The following CCDC42 variants were observed in gnomAD, a reference collection of about 807,000 sequenced individuals.
The protein encoded by CCDC42 is coiled-coil domain-containing protein 42.
A neutral mutation model predicts 40.8 loss-of-function variants in CCDC42; 38 were observed. The observed-to-expected ratio is 0.93, with a 90% CI of 0.72 to 1.22. The LOEUF is 1.22. Ranked by LOEUF, CCDC42 falls within the 50% of genes most tolerant of loss-of-function variation. The pLI is 0.00. For missense variants in CCDC42, 379 were observed against 416.5 expected (o/e 0.91, Z 0.78); for synonymous variants, 135 against 157.5 (o/e 0.86, Z 1.07).
chr17:8,741,715 C>G lies in CCDC42; in HGVS notation c.295-44G>C, dbSNP rs573888951. 1.1e-5 allele frequency: 18 copies of G among 1,583,460 alleles called. No homozygotes were observed. In the African/African-American group the frequency reaches 2.0e-4, roughly 18 times the overall value. ...GCGCTGGTCAGGAAGCCTCGCCCAGCCCTCCCGGGGCCCAGGCCTTCCTGG... is the reference window on the plus strand; with the variant it reads ...GCGCTGGTCAGGAAGCCTCGCCCAGGCCTCCCGGGGCCCAGGCCTTCCTGG... On this transcript the variant is annotated intron_variant, in intron 3 of 6. Transcript: ENST00000293845.
At chr17:8,743,269 T>C (rs1567536496) in intron 3 of CCDC42, among the ~76,000 whole-genome samples, 2 of 152,136 alleles carry the variant, frequency 1.3e-5, no homozygotes. Flanking sequence ...GTGGAGGGAC[T>C]AAAACTCTGT....
intron 4 of CCDC42, among the ~76,000 whole-genome samples, chr17:8,739,119 G>A (rs1167590177): frequency 6.6e-6 from 1 of 152,158 alleles, no homozygotes; most frequent in Non-Finnish European, 1.5e-5. Flanking sequence ...AAAAGAGAAA[G>A]AGAGGGGGGC....
chr17:8,744,080 T>C lies in CCDC42; in HGVS notation c.188A>G (p.Lys63Arg). ...TGCACTCCATCCCTGAGTCCCCACC[T>C]TCTTCTTCTGCACCATAGTTTGATG... ...IMHQTMVQKKKMFQRRMETLN... is the reference protein window; with the variant it reads ...IMHQTMVQKKRMFQRRMETLN... Residue 63 changes from lysine (K) to arginine (R), a missense_variant and splice_region_variant, in exon 2 of 7, where the codon AAG becomes AGG. Lys to Arg is a conservative substitution (Grantham distance 26, BLOSUM62 2). Coordinates refer to ENST00000293845, the MANE Select transcript of CCDC42 (RefSeq NM_144681.3). The C allele has an allele frequency of 1.2e-6, 2 of 1,608,426 alleles. No individual in the cohort carries two copies. Among genetic ancestry groups the C allele is most frequent in the Non-Finnish European group, 1.7e-6 (2 of 1,175,832 alleles).
intron 6 of CCDC42, 30 bp from the exon 7 acceptor site, chr17:8,730,237 C>G (rs376459870): frequency 1.3e-6 from 2 of 1,585,800 alleles, no homozygotes. Flanking sequence ...AGCGTTAACT[C>G]CGCCCCCCAG....
intron 4 of CCDC42, among the ~76,000 whole-genome samples, chr17:8,737,219 AAC>A: frequency 6.6e-6 from 1 of 152,236 alleles, no homozygotes; most frequent in East Asian, 1.9e-4. Flanking sequence ...CACACAGTGC[AAC>A]AGTGTACCAC....
At chr17:8,734,928 C>T (rs897280591) in intron 6 of CCDC42, among the ~76,000 whole-genome samples, 168 bp downstream of exon 6, 23 of 152,178 alleles carry the variant, frequency 1.5e-4, no homozygotes, top group African/African-American at 4.6e-4. Context: ...AGAGACTCTG[C>T]GGGTGGGGCC....
At position 8,735,015 on chromosome 17, in the gene CCDC42, G is replaced by T. The variant is rs1457870360; in HGVS notation, c.873+81C>A. 8 of 1,477,984 alleles carry T rather than the reference G, an allele frequency of 5.4e-6. No individual in the cohort carries two copies. The East Asian group carries it at 6.8e-5, about 13-fold the overall frequency. 91.6% of individuals were successfully genotyped at this position (1,477,984 alleles called of 1,614,324 possible). On this transcript the variant is annotated intron_variant, in intron 6 of 6. Transcript: ENST00000293845. The surrounding 1 kb of genome is among the most constrained non-coding windows in gnomAD (Gnocchi z 4.7). ...AGTCCCTGCTCTGCTTCTCTGTCAGGTTCATTCTTCCACCCAACCAACTGG... is the reference window on the plus strand; with the variant it reads ...AGTCCCTGCTCTGCTTCTCTGTCAGTTTCATTCTTCCACCCAACCAACTGG...
In CCDC42 at chr17:8,743,811, C is replaced by G. The variant is rs2086660223; in HGVS notation, c.190-81G>C. Reference sequence around the variant, plus strand: ...CAAGGAAGACCCCAGCATCCCTGCCCCAGAGGCTCCATCCCCAGGCCCAAG... The same window carrying G: ...CAAGGAAGACCCCAGCATCCCTGCCGCAGAGGCTCCATCCCCAGGCCCAAG... On this transcript the variant is annotated intron_variant, in intron 2 of 6. Coordinates refer to ENST00000293845, the MANE Select transcript of CCDC42 (RefSeq NM_144681.3). 6 of 834,394 alleles carry G rather than the reference C, an allele frequency of 7.2e-6. No homozygotes were observed. In the African/African-American group the frequency reaches 1.0e-4, roughly 14 times the overall value. The allele number at this position is 834,394 out of a possible 1,614,324, so 51.7% of individuals were successfully genotyped here.
intron 4 of CCDC42, among the ~76,000 whole-genome samples, 186 bp downstream of exon 4, chr17:8,741,288 G>A (rs1273218359): frequency 6.6e-6 from 1 of 152,184 alleles, no homozygotes; most frequent in East Asian, 1.9e-4. Context: ...CTGCTCCCCA[G>A]TGCCCCCCAG....
At chr17:8,741,806 G>A (rs1230560007) in intron 3 of CCDC42, 135 bp from the exon 4 acceptor site, 3 of 794,920 alleles carry the variant, frequency 3.8e-6, no homozygotes, top group Admixed American at 2.6e-5. Flanking sequence ...GAGATTGCTG[G>A]GCCACCCATG....
In CCDC42 at chr17:8,744,809, G is replaced by T. The variant is rs1320558289; in HGVS notation, c.-200C>A. The T allele has an allele frequency of 1.0e-5, 6 of 596,260 alleles. No individual in the cohort carries two copies. The African/African-American group carries it at 1.1e-4, about 11-fold the overall frequency. The allele number at this position is 596,260 out of a possible 1,614,324, so 36.9% of individuals were successfully genotyped here. On this transcript the variant is annotated 5_prime_UTR_variant, in exon 1 of 7. It adds an upstream start codon to the 5' untranslated region. Coordinates refer to ENST00000293845, the MANE Select transcript of CCDC42 (RefSeq NM_144681.3). ...CGGCTCAGGACGATGTGCTGGGGCA[G>T]TTATGGGAGATGTGGTTACCTAGCA...
intron 6 of CCDC42, among the ~76,000 whole-genome samples, chr17:8,734,639 G>A (rs934234106): frequency 5.3e-5 from 8 of 152,072 alleles, no homozygotes; most frequent in Non-Finnish European, 1.0e-4. Flanking sequence ...TTACAGGCAT[G>A]AGCCACCGTG....
intron 1 of CCDC42, 78 bp downstream of exon 1, chr17:8,744,449 G>T: frequency 8.3e-7 from 1 of 1,200,138 alleles, no homozygotes; most frequent in Non-Finnish European, 1.2e-6. Context: ...GGGACAGACG[G>T]TTGGAAGATG....
chr17:8,735,625 C>T lies in CCDC42; in HGVS notation c.493-14G>A. The T allele has an allele frequency of 1.2e-6, 2 of 1,610,138 alleles. No individual in the cohort carries two copies. Among genetic ancestry groups the T allele is most frequent in the South Asian group, 2.2e-5 (2 of 90,786 alleles). On this transcript the variant is annotated splice_polypyrimidine_tract_variant and intron_variant, in intron 4 of 6. Coordinates refer to ENST00000293845, the MANE Select transcript of CCDC42 (RefSeq NM_144681.3). This position sits in a 1 kb window ranked among gnomAD's most constrained non-coding sequence, Gnocchi z 4.7. The stretch of plus-strand genomic sequence containing the variant: ...GATCTCCTCGAACTGTGGTCAGGGG[C>T]TCAGGTCAATGCACAGCCAGCCCCT...
At chr17:8,737,675 T>C (rs2086620025) in intron 4 of CCDC42, among the ~76,000 whole-genome samples, 1 of 152,174 alleles carries the variant, frequency 6.6e-6, no homozygotes, top group Non-Finnish European at 1.5e-5. Flanking sequence ...AAGATTAATT[T>C]TACCTGTTTT....
chr17:8,741,717 C>T (rs1226563426), intron 3 of CCDC42, 46 bp from the exon 4 acceptor site: 11 of 1,578,830 alleles, frequency 7.0e-6, no homozygotes, highest in African/African-American at 2.7e-5. Flanking sequence ...TCGCCCAGCC[C>T]TCCCGGGGCC....
rs781006395 is a variant in CCDC42, at chr17:8,730,181, C to G, written c.900G>C (p.Ser300=). 1.4e-5 allele frequency: 23 copies of G among 1,613,940 alleles called. No homozygotes were observed. The highest frequency in any genetic ancestry group is 1.7e-4 in the Middle Eastern group (1 of 6,056). The part of the protein sequence containing the change: ...DMIQQFIQDR[S]DIWAEVKKKE... ...TCTTTTTCACCTCTGCCCAGATGTC[C>G]GACCGGTCTTGGATAAATTGCTGGA... Residue 300 remains serine, a synonymous_variant, in exon 7 of 7, where the codon TCG becomes TCC. Transcript: ENST00000293845.
At chr17:8,742,225 C>T (rs916097306) in intron 3 of CCDC42, among the ~76,000 whole-genome samples, 3 of 152,152 alleles carry the variant, frequency 2.0e-5, no homozygotes, top group South Asian at 2.1e-4. Flanking sequence ...ATTCAGTACT[C>T]GGTGCTTCCA....
intron 4 of CCDC42, 74 bp downstream of exon 4, chr17:8,741,400 G>A: frequency 6.9e-7 from 1 of 1,443,428 alleles, no homozygotes; most frequent in East Asian, 2.3e-5. Context: ...TCCATCCCAT[G>A]GCCCCAGGCC....
Sources: allele counts gnomAD v4.1 joint callset (sites outside exome capture counted in the v4.1 genomes callset), GRCh38; gene constraint gnomAD v4.1.1; non-coding constraint Gnocchi (gnomAD v3.1); transcripts MANE v1.5; gene names NCBI Gene and HGNC (gene_info 2026-07-23, HGNC 2026-07-21).